RBM26: variants seen among roughly 807,000 people sequenced by gnomAD.
RBM26 encodes the protein RNA binding motif protein 26, also known as RNA-binding protein 26.
In RBM26, 30 loss-of-function variants were observed where a neutral mutation model predicts 123.6. The observed-to-expected ratio is 0.24, with a 90% CI of 0.18 to 0.33. The LOEUF (loss-of-function observed/expected upper bound fraction) is 0.33. Ranked by LOEUF, RBM26 falls within the 10% of genes least tolerant of loss-of-function variation. RBM26 has a pLI of 1.00. For synonymous variants in RBM26, 400 were observed against 404.4 expected, an observed-to-expected ratio of 0.99 and a Z score of 0.13; for missense variants, 947 against 1,203.6, an observed-to-expected ratio of 0.79 and a Z score of 3.15.
rs574402229 is a variant in RBM26, at chr13:79,369,987, GCT to G, written c.634+956_634+957del. ...TCCATTTCAGGCAACGACTGGCTTTGCTCTCTGTCATCACAGATTAGTTTGCA... is the reference window on the plus strand; with the variant it reads ...TCCATTTCAGGCAACGACTGGCTTTGCTCTGTCATCACAGATTAGTTTGCA... On this transcript the variant is annotated intron_variant, in intron 5 of 21. Coordinates refer to ENST00000438737, the MANE Select transcript of RBM26 (RefSeq NM_001366735.2). Among the ~76,000 whole-genome samples, 332 of 152,168 alleles carry G rather than the reference GCT, an allele frequency of 2.2e-3. 7 individuals carry two copies. The highest frequency in any genetic ancestry group is 0.016 in the South Asian group (77 of 4,810).
chr13:79,394,630 A>T (rs1015897099), intron 1 of RBM26, among the ~76,000 whole-genome samples: 5 of 152,124 alleles, frequency 3.3e-5, no homozygotes, highest in African/African-American at 1.2e-4. Context: ...GCAATTAGCT[A>T]AATTTTATTT....
chr13:79,345,133 G>A (rs2072096384), intron 14 of RBM26, among the ~76,000 whole-genome samples: 1 of 152,092 alleles, frequency 6.6e-6, no homozygotes, highest in Admixed American at 6.5e-5. Context: ...AGTGACTAAA[G>A]CAGAAGCCAC....
rs139038493 is a variant in RBM26 at position 79,368,659 on chromosome 13, C to T, written c.895+71G>A. On this transcript the variant is annotated intron_variant, in intron 6 of 21. Transcript: ENST00000438737. The stretch of plus-strand genomic sequence containing the variant: ...AGGTAAGTCTTTGAATAACTATGTA[C>T]AACATAAACACAGAATTTAGGCAGC... The T allele has an allele frequency of 3.2e-4, 465 of 1,446,218 alleles. 4 individuals are homozygous for T. In the African/African-American group the frequency reaches 5.9e-3, roughly 18 times the overall value. The allele number at this position is 1,446,218 out of a possible 1,614,324, so 89.6% of individuals were successfully genotyped here. A position where few individuals can be genotyped will look rare whatever the true frequency, so the allele number is the denominator to read the frequency against.
At chr13:79,372,815 TTATA>T (rs2076064949) in intron 3 of RBM26, among the ~76,000 whole-genome samples, 1 of 113,040 alleles carries the variant, frequency 8.8e-6, no homozygotes, top group African/African-American at 4.8e-5. Flanking sequence ...TGATATATAT[TTATA>T]ATAAATATTT....
intron 20 of RBM26, among the ~76,000 whole-genome samples, chr13:79,332,390 C>G (rs148106459): frequency 6.6e-6 from 1 of 152,126 alleles, no homozygotes; most frequent in Non-Finnish European, 1.5e-5. Context: ...AATTCCTAAA[C>G]TTTACTGTTC....
At chr13:79,344,538 A>C in intron 15 of RBM26, 131 bp downstream of exon 15, 1 of 903,916 alleles carries the variant, frequency 1.1e-6, no homozygotes, top group East Asian at 2.6e-5. Flanking sequence ...TATACTATGG[A>C]AAATAAACGT....
At chr13:79,370,924 T>C in intron 5 of RBM26, 21 bp downstream of exon 5, 1 of 1,579,390 alleles carries the variant, frequency 6.3e-7, no homozygotes, top group African/African-American at 1.4e-5. Flanking sequence ...CATAAAAAGA[T>C]AACCAAAATA....
intron 1 of RBM26, among the ~76,000 whole-genome samples, chr13:79,405,174 C>T (rs2079421035): frequency 1.3e-5 from 2 of 152,120 alleles, no homozygotes; most frequent in South Asian, 4.1e-4. Context: ...AACGCGTAGG[C>T]GGGAAAGGGG....
At chr13:79,330,096 A>G (rs939832751) in intron 20 of RBM26, among the ~76,000 whole-genome samples, 2 of 152,226 alleles carry the variant, frequency 1.3e-5, no homozygotes, top group East Asian at 3.8e-4. Flanking sequence ...AATGATGTGC[A>G]TATGTGAATA....
At chr13:79,370,833 A>T in intron 5 of RBM26, 112 bp downstream of exon 5, 1 of 1,131,940 alleles carries the variant, frequency 8.8e-7, no homozygotes, top group Non-Finnish European at 1.3e-6. Context: ...GGACCACAGA[A>T]TACATCATAA....
At chr13:79,390,677 A>G (rs1258080909) in intron 1 of RBM26, among the ~76,000 whole-genome samples, 1 of 152,208 alleles carries the variant, frequency 6.6e-6, no homozygotes, top group African/African-American at 2.4e-5. Context: ...ATTTACTCTG[A>G]AATGAACCAA....
At chr13:79,312,924 C>G (rs1361006066) in exon 5 of RBM26, 1 of 151,610 alleles carries the variant, frequency 6.6e-6, no homozygotes, top group Non-Finnish European at 1.5e-5. Context: ...ACTTGAGGGG[C>G]CTGTATCATT....
intron 1 of RBM26, among the ~76,000 whole-genome samples, chr13:79,403,597 A>C (rs1036172144): frequency 6.6e-6 from 1 of 152,232 alleles, no homozygotes; most frequent in African/African-American, 2.4e-5. Context: ...CAGTAGTCTA[A>C]GATTTCCTTA....
In RBM26 at chr13:79,355,308, CTTGATA is replaced by C; in HGVS notation, c.1760_1765del (p.Ile587_Ser588del). Reference sequence around the variant, plus strand: ...GCGATTGTTTAATACTGCTTCCGTACTTGATATTGCTTTCTTTGCTTCTTCGTATGT... The same window carrying C: ...GCGATTGTTTAATACTGCTTCCGTACTTGCTTTCTTTGCTTCTTCGTATGT... On this transcript the variant is annotated inframe_deletion, in exon 12 of 22. Transcript: ENST00000438737. 2 of 1,613,900 alleles carry C rather than the reference CTTGATA, an allele frequency of 1.2e-6. No individual in the cohort carries two copies. The highest frequency in any genetic ancestry group is 1.7e-6 in the Non-Finnish European group (2 of 1,179,812).
chr13:79,344,632 A>G (rs750568220), intron 15 of RBM26, 37 bp downstream of exon 15: 1 of 1,576,490 alleles, frequency 6.3e-7, no homozygotes, highest in Non-Finnish European at 8.7e-7. Flanking sequence ...GCTTTCCTAT[A>G]TGCAAAAATT....
At chr13:79,345,062 C>T (rs1244648448) in intron 14 of RBM26, among the ~76,000 whole-genome samples, 1 of 151,670 alleles carries the variant, frequency 6.6e-6, no homozygotes, top group Non-Finnish European at 1.5e-5. Context: ...AAAAGAAAAA[C>T]ATTACTATTA....
intron 1 of RBM26, among the ~76,000 whole-genome samples, chr13:79,399,722 G>A (rs2140524856): frequency 6.6e-6 from 1 of 152,208 alleles, no homozygotes; most frequent in East Asian, 1.9e-4. Flanking sequence ...GAAGCAAACT[G>A]CAATCATTTA....
At chr13:79,375,019 T>A (rs1054494004) in intron 3 of RBM26, among the ~76,000 whole-genome samples, 9 of 125,694 alleles carry the variant, frequency 7.2e-5, no homozygotes, top group Non-Finnish European at 1.6e-4. Flanking sequence ...ATATATATAT[T>A]ATATATATTT....
At chr13:79,350,066 T>G (rs1594195624) in intron 14 of RBM26, among the ~76,000 whole-genome samples, 1 of 152,186 alleles carries the variant, frequency 6.6e-6, no homozygotes, top group African/African-American at 2.4e-5. Flanking sequence ...AGGAAACATA[T>G]TAAGATTTGC....
Sources: gnomAD v4.1 joint callset for allele counts (sites outside exome capture counted in the v4.1 genomes callset) on GRCh38, gnomAD v4.1.1 for gene constraint, MANE v1.5 for transcripts, NCBI Gene and HGNC (gene_info 2026-07-23, HGNC 2026-07-21) for gene names.